The following ACTN3 variants were observed in gnomAD, a reference collection of about 807,000 sequenced individuals.
ACTN3 encodes alpha-actinin-3.
ACTN3 carries 91 observed loss-of-function variants against 119.6 expected under a neutral mutation model. The observed-to-expected ratio is 0.76, with a 90% CI of 0.64 to 0.91. The LOEUF (loss-of-function observed/expected upper bound fraction) is 0.91, where lower values mean the gene tolerates loss of function less well. Ranked by LOEUF, ACTN3 falls within the 40% of genes least tolerant of loss-of-function variation. The pLI, the probability that ACTN3 is intolerant of heterozygous loss-of-function variation, is 0.00. For synonymous variants in ACTN3, 456 were observed against 478.8 expected, an observed-to-expected ratio of 0.95 and a Z score of 0.62; for missense variants, 1,221 against 1,215.1, an observed-to-expected ratio of 1.00 and a Z score of -0.07.
Position 66,563,110 on chromosome 11 carries a change from C to G in ACTN3, c.2623C>G (p.Pro875Ala). Reference sequence around the variant, plus strand: ...CGAGTACTGCATCCGCCGTATGGTGCCCTACAAGGGATCCGGGGCCCCGGC... The same window carrying G: ...CGAGTACTGCATCCGCCGTATGGTGGCCTACAAGGGATCCGGGGCCCCGGC... ...QAEYCIRRMV[P>A]YKGSGAPAGA... The change falls in exon 21 of 21, where the codon CCC (proline) becomes GCC (alanine). Residue 875 changes from proline to alanine, a missense_variant. Coordinates refer to ENST00000513398, the MANE Select transcript of ACTN3 (RefSeq NM_001104.4). 9.3e-6 allele frequency: 15 copies of G among 1,613,390 alleles called. No individual in the cohort carries two copies. The highest frequency in any genetic ancestry group is 1.3e-5 in the Non-Finnish European group (15 of 1,179,770).
rs1857793017 is a variant in ACTN3 at position 66,562,186 on chromosome 11, C to T, written c.2322+18C>T. ...TTGACAGGGTCAGCAGGGGCCTGGC[C>T]CTGTGGGGTAAGACACTTGGGGGCT... On this transcript the variant is annotated intron_variant, in intron 18 of 20. Coordinates refer to ENST00000513398, the MANE Select transcript of ACTN3 (RefSeq NM_001104.4). The T allele has an allele frequency of 2.5e-6, 4 of 1,613,864 alleles. No individual in the cohort carries two copies. The East Asian group carries it at 8.9e-5, about 36-fold the overall frequency.
chr11:66,563,288 C>G lies in ACTN3; in HGVS notation c.*95C>G. On this transcript the variant is annotated 3_prime_UTR_variant, in exon 21 of 21. Coordinates refer to ENST00000513398, the MANE Select transcript of ACTN3 (RefSeq NM_001104.4). The stretch of plus-strand genomic sequence containing the variant: ...TCGGAGCAAGGGCCTAAGAGAAAAG[C>G]CAGCCAAGTGCTTCTGAATAAAGAT... 7.1e-7 allele frequency: 1 copy of G among 1,416,746 alleles called. No individual in the cohort carries two copies. Among genetic ancestry groups the G allele is most frequent in the Non-Finnish European group, 9.4e-7 (1 of 1,064,030 alleles). The allele number at this position is 1,416,746 out of a possible 1,614,324, so 87.8% of individuals were successfully genotyped here. A position where few individuals can be genotyped will look rare whatever the true frequency, so the allele number is the denominator to read the frequency against.
chr11:66,557,488 C>T lies in ACTN3; in HGVS notation c.898-211C>T, dbSNP rs1857615987. Among the ~76,000 whole-genome samples, 7 of 152,256 alleles carry T rather than the reference C, an allele frequency of 4.6e-5. 1 individual carries two copies. The highest frequency in any genetic ancestry group is 2.0e-4 in the Admixed American group (3 of 15,284). Reference sequence around the variant, plus strand: ...ATTTAAGTAGTCACATGGCCCTCTGCTCTGTGCCAACCTATACTAGCCCCT... The same window carrying T: ...ATTTAAGTAGTCACATGGCCCTCTGTTCTGTGCCAACCTATACTAGCCCCT... On this transcript the variant is annotated intron_variant, in intron 9 of 20. Transcript: ENST00000513398.
chr11:66,560,502 C>T, intron 14 of ACTN3, 71 bp from the exon 15 acceptor site: 2 of 1,527,712 alleles, frequency 1.3e-6, no homozygotes, highest in East Asian at 2.3e-5. Flanking sequence ...GCCTGGGGCA[C>T]ACTGCTGCCC....
chr11:66,559,111 C>A, intron 11 of ACTN3, 125 bp from the exon 12 acceptor site: 1 of 1,069,240 alleles, frequency 9.4e-7, no homozygotes, highest in Non-Finnish European at 1.3e-6. Flanking sequence ...CAGAGCAAAT[C>A]CCTAGGACGA....
At position 66,546,903 on chromosome 11, in the gene ACTN3, G is replaced by A. The variant is rs1385057387; in HGVS notation, c.-35G>A. The A allele has an allele frequency of 6.6e-7, 1 of 1,525,366 alleles. No individual in the cohort carries two copies. The highest frequency in any genetic ancestry group is 8.8e-7 in the Non-Finnish European group (1 of 1,140,056). 94.5% of individuals were successfully genotyped at this position (1,525,366 alleles called of 1,614,324 possible). A position where few individuals can be genotyped will look rare whatever the true frequency, so the allele number is the denominator to read the frequency against. The stretch of plus-strand genomic sequence containing the variant: ...TAATGGGGCCCGGGTGTCCGAGAGC[G>A]TGCCGAGCGGAGCGAAGCCAGGAGC... On this transcript the variant is annotated 5_prime_UTR_variant, in exon 1 of 21. The change creates a new upstream start codon in the 5' untranslated region. Transcript: ENST00000513398.
intron 3 of ACTN3, among the ~76,000 whole-genome samples, chr11:66,552,851 GTCTCTCTCTCTC>G (rs564902238): frequency 1.5e-5 from 2 of 131,280 alleles, no homozygotes; most frequent in Non-Finnish European, 3.2e-5. Context: ...GAGAGACTCT[GTCTCTCTCTCTC>G]TCTCTCTCTC....
Position 66,555,320 on chromosome 11 carries a change from AG to A in ACTN3, c.673del (p.Val225TrpfsTer18), listed in dbSNP as rs1368853711. 8.1e-6 allele frequency: 13 copies of A among 1,613,940 alleles called. No individual in the cohort carries two copies. Among genetic ancestry groups the A allele is most frequent in the Non-Finnish European group, 1.1e-5 (13 of 1,179,980 alleles). ...DPIGNLNTAF[E>X]VAEKYLDIPK... ...ATCGGAAACCTGAACACTGCCTTTGAGGTGGCAGAGAAATACCTGGACATCC... is the reference window on the plus strand; with the variant it reads ...ATCGGAAACCTGAACACTGCCTTTGAGTGGCAGAGAAATACCTGGACATCC... On this transcript the variant is annotated frameshift_variant, in exon 7 of 21. Coordinates refer to ENST00000513398, the MANE Select transcript of ACTN3 (RefSeq NM_001104.4). LOFTEE classifies it high-confidence loss of function.
intron 12 of ACTN3, among the ~76,000 whole-genome samples, 184 bp from the exon 13 acceptor site, chr11:66,559,784 G>A (rs988096261): frequency 4.6e-5 from 7 of 150,786 alleles, no homozygotes; most frequent in Non-Finnish European, 8.8e-5. Context: ...ACCCGCGGGC[G>A]CCCACCTGCC....
In ACTN3 at chr11:66,561,904, TGGA is replaced by T. The variant is rs1857780415; in HGVS notation, c.2176-115_2176-113del. The stretch of plus-strand genomic sequence containing the variant: ...ACTCAGTGGAGCCTCCAGATGGGGA[TGGA>T]GGCCCAGTGAGGGGGAGGACTTGCC... On this transcript the variant is annotated intron_variant, in intron 17 of 20. Transcript: ENST00000513398. 4.0e-6 allele frequency: 5 copies of T among 1,252,348 alleles called. No homozygotes were observed. In the Admixed American group the frequency reaches 1.1e-4, roughly 27 times the overall value. The allele number at this position is 1,252,348 out of a possible 1,614,324, so 77.6% of individuals were successfully genotyped here.
rs779172352 is a variant in ACTN3, at chr11:66,562,281, G to T, written c.2347G>T (p.Asp783Tyr). ...DRKQNGMMEPDDFRACLISMG... is the reference protein window; with the variant it reads ...DRKQNGMMEPYDFRACLISMG... ...GAAGCAGAATGGGATGATGGAGCCT[G>T]ATGACTTCCGAGCTTGCCTCATCTC... Residue 783 changes from aspartate (D) to tyrosine (Y), a missense_variant, in exon 19 of 21, where the codon GAT (aspartate) becomes TAT (tyrosine). By Grantham distance (160) the Asp-to-Tyr change is radical (BLOSUM62 -3). Coordinates refer to ENST00000513398, the MANE Select transcript of ACTN3 (RefSeq NM_001104.4). The T allele has an allele frequency of 7.4e-6, 12 of 1,613,600 alleles. No individual in the cohort carries two copies. The South Asian group carries it at 9.9e-5, about 13-fold the overall frequency.
At chr11:66,557,254 C>T (rs1252035918) in intron 9 of ACTN3, 29 bp downstream of exon 9, 6 of 1,545,000 alleles carry the variant, frequency 3.9e-6, no homozygotes, top group Non-Finnish European at 4.4e-6. Context: ...CGTGCTCTCC[C>T]CACCCCAGCC....
intron 7 of ACTN3, 38 bp from the exon 8 acceptor site, chr11:66,556,107 T>G: frequency 6.4e-7 from 1 of 1,572,306 alleles, no homozygotes; most frequent in Admixed American, 1.8e-5. Context: ...GAGGGACCCC[T>G]GGCTTTGGCC....
intron 1 of ACTN3, among the ~76,000 whole-genome samples, chr11:66,549,619 T>G (rs1435352094): frequency 6.7e-6 from 1 of 149,796 alleles, no homozygotes; most frequent in Non-Finnish European, 1.5e-5. Flanking sequence ...TAATCCCAGC[T>G]ACTTGGGAGG....
chr11:66,562,467 T>TA, intron 19 of ACTN3, 145 bp downstream of exon 19: 1 of 999,280 alleles, frequency 1.0e-6, no homozygotes, highest in Non-Finnish European at 1.5e-6. Flanking sequence ...CTCAGGGAGG[T>TA]AAAACTCACT....
intron 3 of ACTN3, 80 bp from the exon 4 acceptor site, chr11:66,553,965 C>CAG (rs1857531840): frequency 8.1e-7 from 1 of 1,233,252 alleles, no homozygotes; most frequent in Admixed American, 1.8e-5. Flanking sequence ...GAGGGCTGAT[C>CAG]AGAGGGGAAG....
chr11:66,555,100 A>G, intron 5 of ACTN3, 30 bp from the exon 6 acceptor site: 1 of 1,611,188 alleles, frequency 6.2e-7, no homozygotes, highest in South Asian at 1.1e-5. Context: ...GCTTGAACCC[A>G]GGCCTGACCC....
chr11:66,560,612 C>T lies in ACTN3; in HGVS notation c.1717C>T (p.Pro573Ser), dbSNP rs1242394384. The change falls in exon 15 of 21, where the codon CCC becomes TCC. Residue 573 changes from proline (P) to serine (S), a missense_variant. Pro to Ser is a moderately conservative substitution (Grantham distance 74). This residue lies in a region of ACTN3 where 934 missense variants were observed against 899.9 expected (regional missense o/e 1.04). Coordinates refer to ENST00000513398, the MANE Select transcript of ACTN3 (RefSeq NM_001104.4). Reference protein sequence around the residue: ...TAHDQFKATLPEADRERGAIM... With the variant: ...TAHDQFKATLSEADRERGAIM... The stretch of plus-strand genomic sequence containing the variant: ...GCACGATCAGTTCAAGGCAACACTG[C>T]CCGAGGCTGACCGAGAGCGAGGTGC... 3.1e-6 allele frequency: 5 copies of T among 1,613,442 alleles called. No individual in the cohort carries two copies. In the East Asian group the frequency reaches 6.7e-5, roughly 22 times the overall value.
chr11:66,551,269 C>T lies in ACTN3; in HGVS notation c.178C>T (p.Arg60Cys), dbSNP rs759059596. 1.4e-5 allele frequency: 22 copies of T among 1,611,974 alleles called. No individual in the cohort carries two copies. Among genetic ancestry groups the T allele is most frequent in the African/African-American group, 5.3e-5 (4 of 74,890 alleles). The change falls in exon 2 of 21, where the codon CGC becomes TGC. Residue 60 changes from arginine (R) to cysteine (C), a missense_variant. Arg to Cys is a radical substitution (Grantham distance 180). Coordinates refer to ENST00000513398, the MANE Select transcript of ACTN3 (RefSeq NM_001104.4). ...CACTGCCTGGTGCAACTCACACCTG[C>T]GCAAGGCAGGCACCCAGATCGAGAA... ...TFTAWCNSHL[R>C]KAGTQIENIE...
Sources: gnomAD v4.1 joint callset for allele counts (sites outside exome capture counted in the v4.1 genomes callset) on GRCh38, gnomAD v4.1.1 for gene constraint, gnomAD v4.1.1 regional missense constraint, MANE v1.5 for transcripts, NCBI Gene and HGNC (gene_info 2026-07-23, HGNC 2026-07-21) for gene names.